Variants in CDK6 observed in about 807,000 individuals in gnomAD.
CDK6 encodes the protein cyclin dependent kinase 6.
A neutral mutation model predicts 37.1 loss-of-function variants in CDK6; 6 were observed. That is an observed-to-expected ratio of 0.16 (90% CI 0.09 to 0.32). CDK6 has a LOEUF of 0.32. CDK6 is among the 10% of genes least tolerant of loss of function. The pLI is 1.00. For missense variants in CDK6, 224 were observed against 418.9 expected (o/e 0.53, Z 4.06); for synonymous variants, 160 against 161.3 (o/e 0.99, Z 0.06).
At chr7:92,674,044 T>C in intron 4 of CDK6, among the ~76,000 whole-genome samples, 1 of 151,678 alleles carries the variant, frequency 6.6e-6, no homozygotes, top group East Asian at 1.9e-4. Flanking sequence ...CCTCCCAAAG[T>C]GATAAGATTA....
At chr7:92,732,200 T>C (rs973813153) in intron 3 of CDK6, among the ~76,000 whole-genome samples, 1 of 152,160 alleles carries the variant, frequency 6.6e-6, no homozygotes, top group Admixed American at 6.5e-5. Flanking sequence ...GGAGGATCAC[T>C]TGAGACCAGG....
chr7:92,664,803 T>C (rs1287092558), intron 5 of CDK6, among the ~76,000 whole-genome samples: 1 of 151,752 alleles, frequency 6.6e-6, no homozygotes, highest in African/African-American at 2.4e-5. Context: ...TTTTTTTTTT[T>C]GAGACTGAGT....
intron 2 of CDK6, among the ~76,000 whole-genome samples, chr7:92,823,719 AGT>A (rs1270563069): frequency 6.6e-6 from 1 of 152,100 alleles, no homozygotes; most frequent in Non-Finnish European, 1.5e-5. Context: ...CGACTCAGAC[AGT>A]CTCTTGGGTT....
intron 4 of CDK6, among the ~76,000 whole-genome samples, chr7:92,695,288 A>T: frequency 6.6e-6 from 1 of 151,888 alleles, no homozygotes; most frequent in Non-Finnish European, 1.5e-5. Context: ...AAAAAAAAGA[A>T]AGAAAGAAAG....
chr7:92,742,043 T>A (rs1798936535), intron 3 of CDK6, among the ~76,000 whole-genome samples: 1 of 152,132 alleles, frequency 6.6e-6, no homozygotes, highest in African/African-American at 2.4e-5. Flanking sequence ...TGACAGACAA[T>A]AAAATGAACC....
At chr7:92,619,842 T>A (rs929655029) in intron 6 of CDK6, among the ~76,000 whole-genome samples, 11 of 151,852 alleles carry the variant, frequency 7.2e-5, no homozygotes, top group African/African-American at 2.7e-4. Context: ...CAATGAGCAA[T>A]ATATAGATTT....
At chr7:92,806,364 T>C (rs1318036045) in intron 2 of CDK6, among the ~76,000 whole-genome samples, 5 of 152,202 alleles carry the variant, frequency 3.3e-5, no homozygotes, top group Admixed American at 1.3e-4. Context: ...CAATTGTAGA[T>C]TCTGAAGTGA....
Position 92,606,859 on chromosome 7 carries a change from A to G in CDK6, c.*8281T>C, listed in dbSNP as rs548079489. On this transcript the variant is annotated 3_prime_UTR_variant, in exon 8 of 8. Coordinates refer to ENST00000424848, the MANE Select transcript of CDK6 (RefSeq NM_001145306.2). ...TAATTTGCACTCTACGTGAACCAAT[A>G]TTTTTCTTTTCTTAACACATACTGC... The G allele has an allele frequency of 8.6e-6, 2 of 232,824 alleles. No individual in the cohort carries two copies. The highest frequency in any genetic ancestry group is 1.2e-4 in the East Asian group (2 of 16,490). 14.4% of individuals were successfully genotyped at this position (232,824 alleles called of 1,614,324 possible).
At chr7:92,710,913 T>C (rs955659903) in intron 4 of CDK6, 3 of 953,854 alleles carry the variant, frequency 3.1e-6, no homozygotes, top group African/African-American at 3.5e-5. Context: ...CAGAACATGC[T>C]GGATGCTTTA....
In CDK6 at chr7:92,606,501, G is replaced by T; in HGVS notation, c.*8639C>A. ...GAAAGGAAGAGATACAGGGGACAGA[G>T]ATGTAGAGGTGTGGGGATGTTGGTC... On this transcript the variant is annotated 3_prime_UTR_variant, in exon 8 of 8. Transcript: ENST00000424848. The T allele has an allele frequency of 4.3e-6, 1 of 233,358 alleles. No homozygotes were observed. The highest frequency in any genetic ancestry group is 8.5e-6 in the Non-Finnish European group (1 of 118,102). 14.5% of individuals were successfully genotyped at this position (233,358 alleles called of 1,614,324 possible).
intron 5 of CDK6, among the ~76,000 whole-genome samples, chr7:92,657,920 C>T (rs965190918): frequency 6.6e-6 from 1 of 152,070 alleles, no homozygotes; most frequent in Admixed American, 6.6e-5. Flanking sequence ...CAGGGTCTCA[C>T]CATGTTGCCC....
chr7:92,783,623 T>C (rs1800051633), intron 2 of CDK6, among the ~76,000 whole-genome samples: 1 of 152,234 alleles, frequency 6.6e-6, no homozygotes, highest in Non-Finnish European at 1.5e-5. Context: ...CTCTAGGAGT[T>C]AATATCTTCT....
chr7:92,675,886 T>C (rs1301057199), intron 4 of CDK6, among the ~76,000 whole-genome samples: 5 of 152,110 alleles, frequency 3.3e-5, no homozygotes, highest in African/African-American at 1.2e-4. Context: ...TAGTATTTCT[T>C]ATAATCATTT....
At chr7:92,672,158 T>TATATACACAC (rs1254710727) in intron 4 of CDK6, among the ~76,000 whole-genome samples, 4 of 102,726 alleles carry the variant, frequency 3.9e-5, no homozygotes, top group South Asian at 3.8e-4. Flanking sequence ...TATATATATA[T>TATATACACAC]ATACACATAC....
chr7:92,734,120 T>G (rs1798719018), intron 3 of CDK6, among the ~76,000 whole-genome samples: 1 of 152,230 alleles, frequency 6.6e-6, no homozygotes, highest in South Asian at 2.1e-4. Context: ...TAAATTGATT[T>G]GGGGATAACA....
chr7:92,654,270 T>G lies in CDK6; in HGVS notation c.647+17156A>C, dbSNP rs375323969. Reference sequence around the variant, plus strand: ...CTACTGACTTTTAGAAATTTTCTTCTGATTTAGCTAATCACTTTCAGAATT... The same window carrying G: ...CTACTGACTTTTAGAAATTTTCTTCGGATTTAGCTAATCACTTTCAGAATT... On this transcript the variant is annotated intron_variant, in intron 5 of 7. Coordinates refer to ENST00000424848, the MANE Select transcript of CDK6 (RefSeq NM_001145306.2). Among the ~76,000 whole-genome samples, 11 of 152,210 alleles carry G rather than the reference T, an allele frequency of 7.2e-5. No homozygotes were observed. In the East Asian group the frequency reaches 1.5e-3, roughly 21 times the overall value.
chr7:92,644,372 G>T (rs1330975882), intron 5 of CDK6, among the ~76,000 whole-genome samples: 4 of 152,142 alleles, frequency 2.6e-5, no homozygotes, highest in Non-Finnish European at 5.9e-5. Flanking sequence ...GAGGTTTAGA[G>T]AATTCAAATC....
chr7:92,626,170 G>T (rs990746276), intron 5 of CDK6, among the ~76,000 whole-genome samples: 1 of 151,960 alleles, frequency 6.6e-6, no homozygotes, highest in Non-Finnish European at 1.5e-5. Context: ...TGATTACCCA[G>T]TAAGTACATG....
intron 5 of CDK6, among the ~76,000 whole-genome samples, chr7:92,664,806 G>A (rs1208911855): frequency 1.4e-5 from 2 of 147,034 alleles, no homozygotes; most frequent in Admixed American, 6.8e-5. Flanking sequence ...TTTTTTTTGA[G>A]ACTGAGTCTC....
Sources: gnomAD v4.1 joint callset for allele counts (sites outside exome capture counted in the v4.1 genomes callset) on GRCh38, gnomAD v4.1.1 for gene constraint, MANE v1.5 for transcripts, NCBI Gene and HGNC (gene_info 2026-07-23, HGNC 2026-07-21) for gene names.